HLCS: variants seen among roughly 807,000 people sequenced by gnomAD.
HLCS encodes biotin--protein ligase.
In HLCS, 53 loss-of-function variants were observed where a neutral mutation model predicts 75.0. That is an observed-to-expected ratio of 0.71 (90% CI 0.57 to 0.89). The LOEUF (loss-of-function observed/expected upper bound fraction) is 0.89. Ranked by LOEUF, HLCS falls within the 40% of genes least tolerant of loss-of-function variation. The pLI is 0.00. For missense variants in HLCS, 966 were observed against 1,074.0 expected, an observed-to-expected ratio of 0.90 and a Z score of 1.41; for synonymous variants, 431 against 428.6, an observed-to-expected ratio of 1.01 and a Z score of -0.07.
chr21:36,789,857 G>A (rs996921865), intron 6 of HLCS, among the ~76,000 whole-genome samples: 2 of 152,214 alleles, frequency 1.3e-5, no homozygotes, highest in South Asian at 4.1e-4. Flanking sequence ...ATATTCCATT[G>A]AGTGAGTGTG....
intron 6 of HLCS, among the ~76,000 whole-genome samples, chr21:36,854,150 T>C (rs1025698460): frequency 1.3e-5 from 2 of 152,196 alleles, no homozygotes; most frequent in African/African-American, 4.8e-5. Context: ...TGAGACTCTT[T>C]GAACGTCAAT....
At chr21:36,955,838 C>G (rs2067911679) in intron 2 of HLCS, among the ~76,000 whole-genome samples, 2 of 152,170 alleles carry the variant, frequency 1.3e-5, no homozygotes. Flanking sequence ...GACAGGTGTA[C>G]TGTTTTTTAT....
chr21:36,750,534 C>T lies in HLCS; in HGVS notation c.*3712G>A, dbSNP rs1462915361. ...CCTATCAGCCCTGCCTTCGTCCCTT[C>T]CGCCCTAAGCCCTAAGAGTGGGGGA... On this transcript the variant is annotated 3_prime_UTR_variant, in exon 11 of 11. Coordinates refer to ENST00000674895, the MANE Select transcript of HLCS (RefSeq NM_001352514.2). Among the ~76,000 whole-genome samples, 1 of 152,174 alleles carries T rather than the reference C, an allele frequency of 6.6e-6. No homozygotes were observed. Among genetic ancestry groups the T allele is most frequent in the African/African-American group, 2.4e-5 (1 of 41,432 alleles).
chr21:36,818,921 T>G (rs2061742700), intron 6 of HLCS, among the ~76,000 whole-genome samples: 2 of 152,176 alleles, frequency 1.3e-5, no homozygotes, highest in South Asian at 4.1e-4. Flanking sequence ...AAATTACACC[T>G]TGACGAGTTA....
intron 5 of HLCS, among the ~76,000 whole-genome samples, chr21:36,927,779 T>C (rs1438052482): frequency 6.6e-6 from 1 of 152,194 alleles, no homozygotes; most frequent in Non-Finnish European, 1.5e-5. Flanking sequence ...GGGTCCTGTA[T>C]GCGAGGCAGC....
At chr21:36,810,532 G>A (rs1366143591) in intron 6 of HLCS, among the ~76,000 whole-genome samples, 1 of 152,134 alleles carries the variant, frequency 6.6e-6, no homozygotes, top group Non-Finnish European at 1.5e-5. Flanking sequence ...GTCCCAACGA[G>A]GTTCTCCCAC....
chr21:36,956,895 T>C (rs2067991059), intron 2 of HLCS, among the ~76,000 whole-genome samples: 1 of 148,898 alleles, frequency 6.7e-6, no homozygotes, highest in Admixed American at 6.7e-5. Flanking sequence ...CTACTAAAAA[T>C]ACAAAAAATT....
intron 2 of HLCS, chr21:36,947,859 A>G (rs1490745550): frequency 1.0e-6 from 1 of 985,352 alleles, no homozygotes; most frequent in East Asian, 1.1e-4. Context: ...ACTGGTACCC[A>G]GAGTCAGATC....
At chr21:36,822,204 G>A (rs1385903246) in intron 6 of HLCS, among the ~76,000 whole-genome samples, 3 of 152,082 alleles carry the variant, frequency 2.0e-5, no homozygotes, top group Non-Finnish European at 2.9e-5. Context: ...GGCGAATCAC[G>A]AGGTCAGGAG....
intron 6 of HLCS, among the ~76,000 whole-genome samples, chr21:36,814,975 G>A (rs2061617216): frequency 6.6e-6 from 1 of 151,998 alleles, no homozygotes; most frequent in Non-Finnish European, 1.5e-5. Context: ...GGCCATGTGA[G>A]TGTGTGGATG....
At chr21:36,933,380 T>C (rs1378396797) in intron 4 of HLCS, among the ~76,000 whole-genome samples, 1 of 151,448 alleles carries the variant, frequency 6.6e-6, no homozygotes, top group Non-Finnish European at 1.5e-5. Context: ...TGAAACCGTC[T>C]CTACTAAAAA....
At chr21:36,755,341 C>T (rs1027189880) in intron 10 of HLCS, among the ~76,000 whole-genome samples, 5 of 151,130 alleles carry the variant, frequency 3.3e-5, no homozygotes, top group Non-Finnish European at 7.4e-5. Context: ...TTCAAGGTTT[C>T]AGTAGTGAGC....
At chr21:36,817,403 C>G (rs1302844295) in intron 6 of HLCS, among the ~76,000 whole-genome samples, 3 of 152,150 alleles carry the variant, frequency 2.0e-5, no homozygotes, top group Non-Finnish European at 4.4e-5. Context: ...CATCACAGAT[C>G]TTATGCCATA....
intron 2 of HLCS, among the ~76,000 whole-genome samples, chr21:36,956,246 A>T (rs906869091): frequency 6.6e-6 from 1 of 151,466 alleles, no homozygotes; most frequent in Non-Finnish European, 1.5e-5. Context: ...AAGTAGATGG[A>T]CTCAGGGGGT....
chr21:36,989,008 CCTTTT>C (rs1223511981), intron 1 of HLCS, among the ~76,000 whole-genome samples: 2 of 150,010 alleles, frequency 1.3e-5, no homozygotes, highest in Admixed American at 6.6e-5. Context: ...TTTTCTTTTT[CCTTTT>C]AATTTTATTT....
chr21:36,815,631 A>G (rs537352706), intron 6 of HLCS, among the ~76,000 whole-genome samples: 3 of 152,284 alleles, frequency 2.0e-5, no homozygotes, highest in Admixed American at 6.5e-5. Flanking sequence ...GAATTCATCA[A>G]ATTGGTGCCC....
chr21:36,930,045 A>G (rs2146491938), intron 5 of HLCS, among the ~76,000 whole-genome samples: 1 of 152,350 alleles, frequency 6.6e-6, no homozygotes, highest in South Asian at 2.1e-4. Flanking sequence ...ACACCTTTCT[A>G]AACTCTACTA....
At chr21:36,883,067 C>T (rs999580635) in intron 6 of HLCS, among the ~76,000 whole-genome samples, 4 of 152,172 alleles carry the variant, frequency 2.6e-5, no homozygotes, top group South Asian at 4.1e-4. Context: ...AAAAATGTGG[C>T]GTTTGGGATC....
At chr21:36,908,620 T>G (rs562576637) in intron 5 of HLCS, among the ~76,000 whole-genome samples, 3 of 152,298 alleles carry the variant, frequency 2.0e-5, no homozygotes, top group Admixed American at 6.5e-5. Flanking sequence ...GACCTGTATG[T>G]GGATGTTCAT....
Sources: gnomAD v4.1 joint callset for allele counts (sites outside exome capture counted in the v4.1 genomes callset) on GRCh38, gnomAD v4.1.1 for gene constraint, MANE v1.5 for transcripts, NCBI Gene and HGNC (gene_info 2026-07-23, HGNC 2026-07-21) for gene names.